The following LPAR5 variants were observed in gnomAD, a reference collection of about 807,000 sequenced individuals.
LPAR5 encodes the protein G protein-coupled receptor 92.
For missense variants in LPAR5, 544 were observed against 521.8 expected (o/e 1.04, Z -0.41); for synonymous variants, 271 against 261.6 (o/e 1.04, Z -0.35).
At position 6,621,347 on chromosome 12, in the gene LPAR5, A is replaced by G; in HGVS notation, c.-99T>C. Reference sequence around the variant, plus strand: ...TCCGGGGCTGGGGCCTAGAGGCTGTACAGACATGGTCCCAAAACAAGCAGA... The same window carrying G: ...TCCGGGGCTGGGGCCTAGAGGCTGTGCAGACATGGTCCCAAAACAAGCAGA... On this transcript the variant is annotated 5_prime_UTR_variant, in exon 2 of 2. Transcript: ENST00000329858. 8.2e-7 allele frequency: 1 copy of G among 1,215,792 alleles called. No homozygotes were observed. The highest frequency in any genetic ancestry group is 1.1e-6 in the Non-Finnish European group (1 of 923,078). The allele number at this position is 1,215,792 out of a possible 1,614,324, so 75.3% of individuals were successfully genotyped here.
chr12:6,626,874 C>A (rs1219327581), intron 1 of LPAR5, among the ~76,000 whole-genome samples: 1 of 152,198 alleles, frequency 6.6e-6, no homozygotes, highest in Non-Finnish European at 1.5e-5. Flanking sequence ...GAGCTCTCCC[C>A]ATGCATGGTA....
At chr12:6,632,396 C>T (rs78177143) in intron 1 of LPAR5, among the ~76,000 whole-genome samples, 6 of 152,196 alleles carry the variant, frequency 3.9e-5, no homozygotes, top group African/African-American at 1.4e-4. Context: ...TCTGGAATAG[C>T]CCCACCCTCA....
intron 1 of LPAR5, among the ~76,000 whole-genome samples, chr12:6,626,798 C>A (rs550209425): frequency 6.6e-6 from 1 of 152,298 alleles, no homozygotes; most frequent in African/African-American, 2.4e-5. Flanking sequence ...TCCCTAACCG[C>A]CCCCGCAACA....
At chr12:6,626,640 C>T (rs1398624315) in intron 1 of LPAR5, among the ~76,000 whole-genome samples, 2 of 152,200 alleles carry the variant, frequency 1.3e-5, no homozygotes, top group Non-Finnish European at 2.9e-5. Flanking sequence ...CTCCTTTGCT[C>T]CATTCACACC....
intron 1 of LPAR5, among the ~76,000 whole-genome samples, chr12:6,630,105 A>T (rs961090075): frequency 6.6e-6 from 1 of 152,008 alleles, no homozygotes; most frequent in Non-Finnish European, 1.5e-5. Context: ...TTGTTACTCT[A>T]TTCCAAAGGG....
rs182661191 is a variant in LPAR5, at chr12:6,619,114, A to C, written c.*1016T>G. On this transcript the variant is annotated 3_prime_UTR_variant, in exon 2 of 2. Coordinates refer to ENST00000329858, the MANE Select transcript of LPAR5 (RefSeq NM_020400.6). The stretch of plus-strand genomic sequence containing the variant: ...GAGGCTTCATGAAGTGTGTGTGGTG[A>C]CATTATTGCTCCCATGGCTAATGTA... 2 of 152,258 alleles carry C rather than the reference A, an allele frequency of 1.3e-5. No individual in the cohort carries two copies. The highest frequency in any genetic ancestry group is 2.9e-5 in the Non-Finnish European group (2 of 68,052). The allele number at this position is 152,258 out of a possible 1,614,324, so 9.4% of individuals were successfully genotyped here. A position where few individuals can be genotyped will look rare whatever the true frequency, so the allele number is the denominator to read the frequency against.
chr12:6,628,439 TTTC>T (rs926212303), intron 1 of LPAR5, among the ~76,000 whole-genome samples: 2 of 151,984 alleles, frequency 1.3e-5, no homozygotes, highest in Non-Finnish European at 1.5e-5. Context: ...TCTGTCTTTC[TTTC>T]TTTCCTTCCT....
intron 1 of LPAR5, among the ~76,000 whole-genome samples, chr12:6,632,767 A>G (rs950473909): frequency 3.3e-5 from 5 of 152,346 alleles, no homozygotes; most frequent in Non-Finnish European, 4.4e-5. Flanking sequence ...TAAATGGAAC[A>G]GGAGGATGAA....
chr12:6,623,970 A>G (rs1048079061), intron 1 of LPAR5, among the ~76,000 whole-genome samples: 1 of 152,180 alleles, frequency 6.6e-6, no homozygotes, highest in African/African-American at 2.4e-5. Flanking sequence ...AGACAAGCAA[A>G]CAAGCAAACA....
At chr12:6,630,433 CTTTTTTTTTTTTTTTTTTTTTTT>C (rs34529805) in intron 1 of LPAR5, among the ~76,000 whole-genome samples, 31 of 41,828 alleles carry the variant, frequency 7.4e-4, no homozygotes, top group South Asian at 2.2e-3. Context: ...CCCAGCCCAT[CTTTTTTTTTTTTTTTTTTTTTTT>C]TTTTTTTTTT....
rs956540669 is a variant in LPAR5, at chr12:6,619,119, A to C, written c.*1011T>G. ...TTCATGAAGTGTGTGTGGTGACATT[A>C]TTGCTCCCATGGCTAATGTAATGTG... is the stretch of plus-strand genomic sequence containing the variant. On this transcript the variant is annotated 3_prime_UTR_variant, in exon 2 of 2. Transcript: ENST00000329858. The C allele has an allele frequency of 1.3e-5, 2 of 152,204 alleles. No homozygotes were observed. Among genetic ancestry groups the C allele is most frequent in the Non-Finnish European group, 2.9e-5 (2 of 68,038 alleles). The allele number at this position is 152,204 out of a possible 1,614,324, so 9.4% of individuals were successfully genotyped here.
chr12:6,631,702 C>T (rs1352304834), intron 1 of LPAR5: 1 of 152,270 alleles, frequency 6.6e-6, no homozygotes, highest in African/African-American at 2.4e-5. Flanking sequence ...GAAGTGAGAA[C>T]AAGAGTGTAA....
At chr12:6,622,858 G>T (rs908057384) in intron 1 of LPAR5, among the ~76,000 whole-genome samples, 1 of 152,064 alleles carries the variant, frequency 6.6e-6, no homozygotes, top group African/African-American at 2.4e-5. Flanking sequence ...TTGACTCCAG[G>T]GAGGTGGAGG....
chr12:6,632,371 C>T (rs1312148834), intron 1 of LPAR5, among the ~76,000 whole-genome samples: 1 of 152,182 alleles, frequency 6.6e-6, no homozygotes, highest in East Asian at 1.9e-4. Context: ...ATCCTCCTTG[C>T]CCCTGAGAAT....
intron 1 of LPAR5, among the ~76,000 whole-genome samples, chr12:6,631,203 T>C (rs1251798604): frequency 6.6e-6 from 1 of 152,180 alleles, no homozygotes; most frequent in Non-Finnish European, 1.5e-5. Context: ...TACACGTGTG[T>C]GCACAGACAC....
At position 6,620,896 on chromosome 12, in the gene LPAR5, T is replaced by C. The variant is rs756285381; in HGVS notation, c.353A>G (p.Asp118Gly). 1 of 1,586,620 alleles carries C rather than the reference T, an allele frequency of 6.3e-7. No individual in the cohort carries two copies. The highest frequency in any genetic ancestry group is 1.8e-5 in the Admixed American group (1 of 55,308). The change falls in exon 2 of 2, where the codon GAC (aspartate) becomes GGC (glycine). Residue 118 changes from aspartate (D) to glycine (G), a missense_variant. Asp to Gly is a moderately conservative substitution (Grantham distance 94). Transcript: ENST00000329858. The surrounding 1 kb of genome is among the most constrained non-coding windows in gnomAD (Gnocchi z 6.8). ...SCIFLMLINV[D>G]RYAAIVHPLR... is the part of the protein sequence containing the mutation. The stretch of plus-strand genomic sequence containing the variant: ...CGGGTGCACGATGGCGGCGTAGCGG[T>C]CCACGTTGATGAGCATCAGGAAGAT...
rs758094113 is a variant in LPAR5 at position 6,620,154 on chromosome 12, CTG to C, written c.1093_1094del (p.Gln365ValfsTer76). On this transcript the variant is annotated frameshift_variant, in exon 2 of 2. Transcript: ENST00000329858. LOFTEE classifies it high-confidence loss of function. This position sits in a 1 kb window ranked among gnomAD's most constrained non-coding sequence, Gnocchi z 6.8. Reference protein sequence around the residue: ...SDSHSLSSFTQCPQDSAL With the variant: ...SDSHSLSSFTXCPQDSAL ...TTCAGAGGGCGGAATCCTGGGGACA[CTG>C]TGTGAAGGAAGACAGAGAGTGGGAG... 2.5e-6 allele frequency: 4 copies of C among 1,613,522 alleles called. No individual in the cohort carries two copies. The African/African-American group carries it at 4.0e-5, about 16-fold the overall frequency.
intron 1 of LPAR5, among the ~76,000 whole-genome samples, chr12:6,624,432 A>G (rs1293750821): frequency 6.6e-6 from 1 of 152,086 alleles, no homozygotes; most frequent in African/African-American, 2.4e-5. Context: ...AAGCAGTACT[A>G]CCCACCGCAC....
chr12:6,631,236 G>A (rs956656125), intron 1 of LPAR5, among the ~76,000 whole-genome samples: 1 of 152,172 alleles, frequency 6.6e-6, no homozygotes, highest in Non-Finnish European at 1.5e-5. Context: ...GCTAAGAGAT[G>A]TGCACACAAG....
Sources: allele counts gnomAD v4.1 joint callset (sites outside exome capture counted in the v4.1 genomes callset), GRCh38; gene constraint gnomAD v4.1.1; non-coding constraint Gnocchi (gnomAD v3.1); transcripts MANE v1.5; gene names NCBI Gene and HGNC (gene_info 2026-07-23, HGNC 2026-07-21).